RHOU: variants seen among roughly 807,000 people sequenced by gnomAD.
RHOU encodes the protein ras homolog family member U.
RHOU carries 8 observed loss-of-function variants against 12.6 expected under a neutral mutation model. The ratio of observed to expected loss-of-function variants is 0.64; its 90% CI spans 0.37 to 1.15. The LOEUF (loss-of-function observed/expected upper bound fraction) is 1.15, where lower values mean the gene tolerates loss of function less well. RHOU is among the 50% of genes most tolerant of loss of function. The probability of loss-of-function intolerance (pLI) is 0.01; values close to 1 mark genes in which losing one functional copy is unlikely to be tolerated. For missense variants in RHOU, 258 were observed against 347.0 expected, an observed-to-expected ratio of 0.74 and a Z score of 2.04; for synonymous variants, 161 against 147.4, an observed-to-expected ratio of 1.09 and a Z score of -0.67.
upstream of RHOU, among the ~76,000 whole-genome samples, chr1:228,734,625 A>AAT (rs151192724): frequency 0.15 from 23,393 of 152,184 alleles, 2,065 homozygotes; most frequent in South Asian, 0.22. Context: ...CACTAGTATC[A>AAT]ATGTGTATTA....
chr1:228,650,769 T>G, the RHOU span: 1 of 434,032 alleles, frequency 2.3e-6, no homozygotes, highest in South Asian at 1.9e-5. Context: ...GTTGAAATCC[T>G]TTCCTCCCTC....
the RHOU span, among the ~76,000 whole-genome samples, chr1:228,667,032 C>G: frequency 6.6e-6 from 1 of 152,184 alleles, no homozygotes; most frequent in Non-Finnish European, 1.5e-5. Flanking sequence ...ATCGAAAGCT[C>G]TCTAACAGAA....
the RHOU span, among the ~76,000 whole-genome samples, chr1:228,657,614 G>C: frequency 4.6e-5 from 7 of 152,138 alleles, no homozygotes; most frequent in African/African-American, 1.7e-4. Context: ...GGTAATAATG[G>C]ATAGAATGAT....
chr1:228,684,364 G>A, the RHOU span, among the ~76,000 whole-genome samples: 8 of 146,882 alleles, frequency 5.4e-5, no homozygotes, highest in Non-Finnish European at 8.9e-5. Context: ...TAGGTCTCAT[G>A]TGTCATCCAG....
chr1:228,662,569 A>T, the RHOU span, among the ~76,000 whole-genome samples: 1 of 151,934 alleles, frequency 6.6e-6, no homozygotes, highest in Non-Finnish European at 1.5e-5. Context: ...TTCTGAGCAA[A>T]CTATCACGAG....
In RHOU at chr1:228,737,553, A is replaced by G; in HGVS notation, c.263-120A>G. The G allele has an allele frequency of 1.0e-6, 1 of 964,606 alleles. No homozygotes were observed. The highest frequency in any genetic ancestry group is 1.6e-6 in the Non-Finnish European group (1 of 610,448). 59.8% of individuals were successfully genotyped at this position (964,606 alleles called of 1,614,324 possible). A position where few individuals can be genotyped will look rare whatever the true frequency, so the allele number is the denominator to read the frequency against. Reference sequence around the variant, plus strand: ...TTTTGGCTAGTCTTTAATTCATTAGAGGACCTAAAATAGGAGCAAAGGGGT... The same window carrying G: ...TTTTGGCTAGTCTTTAATTCATTAGGGGACCTAAAATAGGAGCAAAGGGGT... On this transcript the variant is annotated intron_variant, in intron 1 of 2. Coordinates refer to ENST00000366691, the MANE Select transcript of RHOU (RefSeq NM_021205.6). This position sits in a 1 kb window ranked among gnomAD's most constrained non-coding sequence, Gnocchi z 4.1.
chr1:228,650,609 T>C, the RHOU span: 1 of 449,758 alleles, frequency 2.2e-6, no homozygotes, highest in South Asian at 1.6e-5. Flanking sequence ...GTCTACTTCC[T>C]CAAAGGGGGA....
chr1:228,699,495 A>G, the RHOU span, among the ~76,000 whole-genome samples: 1 of 148,394 alleles, frequency 6.7e-6, no homozygotes, highest in East Asian at 2.0e-4. Context: ...ATTTAGTCAT[A>G]TAGAGTTTAG....
At chr1:228,721,251 G>A in the RHOU span, among the ~76,000 whole-genome samples, 5 of 152,150 alleles carry the variant, frequency 3.3e-5, no homozygotes, top group Non-Finnish European at 7.3e-5. Context: ...GCAGTGAGCC[G>A]AGATGGTGCC....
the RHOU span, among the ~76,000 whole-genome samples, chr1:228,695,913 C>A: frequency 6.6e-6 from 1 of 152,220 alleles, no homozygotes; most frequent in Non-Finnish European, 1.5e-5. Flanking sequence ...TCTAATCCTG[C>A]CTTGATCTTT....
At chr1:228,650,355 C>A in the RHOU span, 1 of 461,336 alleles carries the variant, frequency 2.2e-6, no homozygotes, top group South Asian at 1.5e-5. Context: ...CCGCCTTGAG[C>A]GTGCCTGGCT....
chr1:228,739,666 A>T (rs1473317497), intron 2 of RHOU, among the ~76,000 whole-genome samples: 1 of 152,250 alleles, frequency 6.6e-6, no homozygotes, highest in African/African-American at 2.4e-5. Context: ...AAATACAGGA[A>T]GTCCAAAGGC....
intron 1 of RHOU, among the ~76,000 whole-genome samples, 199 bp downstream of exon 1, chr1:228,736,203 G>A (rs1662607173): frequency 6.9e-6 from 1 of 144,072 alleles, no homozygotes; most frequent in African/African-American, 2.6e-5. Context: ...TAACACGAAA[G>A]GACCACGGCG....
At chr1:228,725,422 G>GCCACAGCA in the RHOU span, among the ~76,000 whole-genome samples, 1 of 151,838 alleles carries the variant, frequency 6.6e-6, no homozygotes, top group Non-Finnish European at 1.5e-5. Context: ...GGGGGCTGTG[G>GCCACAGCA]CCCTGAGCTT....
At chr1:228,675,884 T>G in the RHOU span, among the ~76,000 whole-genome samples, 1 of 152,140 alleles carries the variant, frequency 6.6e-6, no homozygotes, top group African/African-American at 2.4e-5. Flanking sequence ...GGATACACTT[T>G]CAGGTTTCTT....
At chr1:228,690,554 T>A in the RHOU span, among the ~76,000 whole-genome samples, 1 of 152,252 alleles carries the variant, frequency 6.6e-6, no homozygotes, top group East Asian at 1.9e-4. Context: ...ACTCCTGACC[T>A]CAGCTGATCC....
At chr1:228,709,982 C>T in the RHOU span, among the ~76,000 whole-genome samples, 1 of 152,100 alleles carries the variant, frequency 6.6e-6, no homozygotes, top group Non-Finnish European at 1.5e-5. Flanking sequence ...GGGGATATCA[C>T]CACCAATTCC....
chr1:228,706,837 A>G, the RHOU span, among the ~76,000 whole-genome samples: 4 of 152,068 alleles, frequency 2.6e-5, no homozygotes, highest in Non-Finnish European at 2.9e-5. Context: ...TGAGTTAGTT[A>G]TATCATTGAC....
At chr1:228,708,920 T>C in the RHOU span, among the ~76,000 whole-genome samples, 2 of 152,072 alleles carry the variant, frequency 1.3e-5, no homozygotes, top group Admixed American at 6.5e-5. Context: ...ACCCATCTCA[T>C]GGGCAGAGAC....
Sources: gnomAD v4.1 joint callset for allele counts (sites outside exome capture counted in the v4.1 genomes callset) on GRCh38, gnomAD v4.1.1 for gene constraint, Gnocchi (gnomAD v3.1) non-coding constraint, MANE v1.5 for transcripts, NCBI Gene and HGNC (gene_info 2026-07-23, HGNC 2026-07-21) for gene names.